EP400: variants seen among roughly 807,000 people sequenced by gnomAD.
The protein encoded by EP400 is E1A-binding protein p400.
EP400 carries 105 observed loss-of-function variants against 354.1 expected under a neutral mutation model. That is an observed-to-expected ratio of 0.30 (90% CI 0.25 to 0.35). The LOEUF (loss-of-function observed/expected upper bound fraction) is 0.35, where lower values mean the gene tolerates loss of function less well. EP400 is among the 10% of genes least tolerant of loss of function. EP400 has a pLI of 1.00. For synonymous variants in EP400, 1,646 were observed against 1,716.9 expected (o/e 0.96, Z 1.02); for missense variants, 3,280 against 4,121.0 (o/e 0.80, Z 5.59).
chr12:132,013,571 A>C lies in EP400; in HGVS notation c.3693A>C (p.Pro1231=). ...GGACCATGGTGCACTTCCTGGTCCCAGGGATCTCCAGGCCCTACCTGAGCT... is the reference window on the plus strand; with the variant it reads ...GGACCATGGTGCACTTCCTGGTCCCCGGGATCTCCAGGCCCTACCTGAGCT... ...ELWTMVHFLV[P]GISRPYLSSP... The change falls in exon 18 of 53, where the codon CCA becomes CCC. Residue 1231 remains proline, a synonymous_variant. Transcript: ENST00000389561. The surrounding 1 kb of genome is among the most constrained non-coding windows in gnomAD (Gnocchi z 4.5). 3 of 1,613,854 alleles carry C rather than the reference A, an allele frequency of 1.9e-6. No homozygotes were observed. Among genetic ancestry groups the C allele is most frequent in the Non-Finnish European group, 2.5e-6 (3 of 1,179,878 alleles).
intron 2 of EP400, among the ~76,000 whole-genome samples, chr12:131,969,244 C>T (rs1014231111): frequency 1.3e-5 from 2 of 151,996 alleles, no homozygotes; most frequent in African/African-American, 4.8e-5. Flanking sequence ...CATCTATTGA[C>T]AGTGATATGT....
At chr12:131,950,846 C>T (rs1164163893) in intron 1 of EP400, among the ~76,000 whole-genome samples, 1 of 152,224 alleles carries the variant, frequency 6.6e-6, no homozygotes, top group Non-Finnish European at 1.5e-5. Context: ...CTCGACCTCC[C>T]GAGTGGTTGG....
At chr12:132,020,314 G>A in intron 22 of EP400, 96 bp downstream of exon 22, 1 of 1,408,420 alleles carries the variant, frequency 7.1e-7, no homozygotes, top group Non-Finnish European at 9.5e-7. Context: ...TGCGGTAATT[G>A]TCCCTGAGTG....
intron 32 of EP400, among the ~76,000 whole-genome samples, chr12:132,042,142 G>A (rs1404740215): frequency 6.6e-6 from 1 of 151,800 alleles, no homozygotes; most frequent in Non-Finnish European, 1.5e-5. Flanking sequence ...ATAGAGACGT[G>A]GTTTCTCCAT....
At chr12:132,048,648 G>A (rs368254262) in intron 39 of EP400, among the ~76,000 whole-genome samples, 3 of 151,460 alleles carry the variant, frequency 2.0e-5, no homozygotes, top group African/African-American at 4.9e-5. Flanking sequence ...TCAGCCTCCC[G>A]AGTAGCTGGG....
chr12:132,030,048 C>T lies in EP400; in HGVS notation c.5644C>T (p.Leu1882=). ...ATTGAAATCTGAAGGACGTCGGGTG[C>T]TGATTTTATCACAGATGATTCTTAT... The part of the protein sequence containing the change: ...QKLKSEGRRV[L]ILSQMILMLD... The change falls in exon 29 of 53, where the codon CTG becomes TTG. Residue 1882 remains leucine (L), a synonymous_variant. Coordinates refer to ENST00000389561, the MANE Select transcript of EP400 (RefSeq NM_015409.5). The T allele has an allele frequency of 1.2e-6, 2 of 1,614,232 alleles. No homozygotes were observed. Among genetic ancestry groups the T allele is most frequent in the Non-Finnish European group, 1.7e-6 (2 of 1,180,044 alleles).
In EP400 at chr12:132,053,098, G is replaced by A. The variant is rs757414701; in HGVS notation, c.7395-48G>A. Reference sequence around the variant, plus strand: ...TTTCTAGGGTACGTGGTACTTGTCTGTCTTAAAACTTGCCTGTATGTTTTT... The same window carrying A: ...TTTCTAGGGTACGTGGTACTTGTCTATCTTAAAACTTGCCTGTATGTTTTT... On this transcript the variant is annotated intron_variant, in intron 41 of 52. Transcript: ENST00000389561. The A allele has an allele frequency of 6.3e-6, 10 of 1,598,052 alleles. No individual in the cohort carries two copies. The East Asian group carries it at 2.2e-4, about 36-fold the overall frequency.
At chr12:131,959,059 G>T (rs1308689586) in intron 1 of EP400, among the ~76,000 whole-genome samples, 1 of 152,184 alleles carries the variant, frequency 6.6e-6, no homozygotes, top group Admixed American at 6.5e-5. Flanking sequence ...AGGTCAAGCT[G>T]GCTTCTGTGG....
rs1159343615 is a variant in EP400 at position 132,027,347 on chromosome 12, G to A, written c.5015-90G>A. On this transcript the variant is annotated intron_variant, in intron 25 of 52. Transcript: ENST00000389561. The surrounding 1 kb of genome is among the most constrained non-coding windows in gnomAD (Gnocchi z 4.9). Reference sequence around the variant, plus strand: ...ATGACTTTCTGTGGAGTGTGCTGGTGGAGGGTGAGGTTCCATGGAGCATGC... The same window carrying A: ...ATGACTTTCTGTGGAGTGTGCTGGTAGAGGGTGAGGTTCCATGGAGCATGC... The A allele has an allele frequency of 1.2e-5, 15 of 1,290,848 alleles. No homozygotes were observed. Among genetic ancestry groups the A allele is most frequent in the Non-Finnish European group, 1.7e-5 (15 of 894,118 alleles). The allele number at this position is 1,290,848 out of a possible 1,614,324, so 80.0% of individuals were successfully genotyped here. A position where few individuals can be genotyped will look rare whatever the true frequency, so the allele number is the denominator to read the frequency against.
rs545819644 is a variant in EP400 at position 131,961,487 on chromosome 12, C to T, written c.868C>T (p.Arg290Trp). The T allele has an allele frequency of 2.9e-5, 45 of 1,569,248 alleles. No homozygotes were observed. In the South Asian group the frequency reaches 4.5e-4, roughly 16 times the overall value. Reference protein sequence around the residue: ...QQVLQGPPLPRPLGFERTPGV... With the variant: ...QQVLQGPPLPWPLGFERTPGV... ...GGTGCTGCAGGGGCCGCCGCTGCCC[C>T]GGCCCCTGGGCTTCGAGAGGACACC... The change falls in exon 2 of 53, where the codon CGG becomes TGG. Residue 290 changes from arginine to tryptophan, a missense_variant. Coordinates refer to ENST00000389561, the MANE Select transcript of EP400 (RefSeq NM_015409.5).
chr12:131,988,008 T>TTTTTTTC, intron 7 of EP400, 118 bp downstream of exon 7: 1 of 732,274 alleles, frequency 1.4e-6, no homozygotes, highest in Non-Finnish European at 1.9e-6. Flanking sequence ...TTTTTTTTTT[T>TTTTTTTC]CCCCCAGACA....
chr12:132,078,005 G>A lies in EP400; in HGVS notation c.*332G>A, dbSNP rs939926940. 5.2e-5 allele frequency: 15 copies of A among 289,636 alleles called. No homozygotes were observed. The highest frequency in any genetic ancestry group is 8.5e-5 in the Non-Finnish European group (13 of 153,596). The allele number at this position is 289,636 out of a possible 1,614,324, so 17.9% of individuals were successfully genotyped here. ...AAAGCCATTTAGAATTTCTTTGTGA[G>A]CATGTAGTGCTTTGCACGCCACAGA... On this transcript the variant is annotated 3_prime_UTR_variant, in exon 53 of 53. Transcript: ENST00000389561.
intron 2 of EP400, among the ~76,000 whole-genome samples, chr12:131,976,285 T>A (rs865878674): frequency 9.9e-5 from 15 of 152,276 alleles, no homozygotes; most frequent in Middle Eastern, 3.4e-3. Flanking sequence ...TATTTTGGAG[T>A]AATTTTGTTT....
At chr12:132,066,008 G>A (rs1003885007) in intron 48 of EP400, 1 of 152,212 alleles carries the variant, frequency 6.6e-6, no homozygotes, top group Non-Finnish European at 1.5e-5. Flanking sequence ...TGCTTCATGA[G>A]TGTTAGAGGA....
In EP400 at chr12:132,077,442, C is replaced by T. The variant is rs12311898; in HGVS notation, c.9141C>T (p.Ala3047=). The change falls in exon 53 of 53, where the codon GCC becomes GCT. Residue 3047 remains alanine, a synonymous_variant. Transcript: ENST00000389561. ...QTVALTQATA[A]GQQVQMIPAV... is the part of the protein sequence containing the mutation. ...TGGCGCTCACGCAGGCGACGGCGGC[C>T]GGGCAGCAGGTGCAGATGATCCCTG... The T allele has an allele frequency of 0.061, 98,536 of 1,612,830 alleles. 3,754 individuals are homozygous for T. Among genetic ancestry groups the T allele is most frequent in the African/African-American group, 0.14 (10,316 of 75,006 alleles).
intron 45 of EP400, among the ~76,000 whole-genome samples, chr12:132,059,029 T>C (rs377009005): frequency 1.3e-5 from 2 of 152,122 alleles, no homozygotes; most frequent in African/African-American, 2.4e-5. Flanking sequence ...ACTGAAGTTA[T>C]TGGATAAAAA....
chr12:132,076,762 C>A (rs563108234), intron 52 of EP400, among the ~76,000 whole-genome samples, 169 bp downstream of exon 52: 2 of 152,226 alleles, frequency 1.3e-5, no homozygotes, highest in Non-Finnish European at 1.5e-5. Flanking sequence ...AGTGAACAAG[C>A]GTTTAGAGGT....
rs962141192 is a variant in EP400, at chr12:132,080,031, A to G, written c.*2358A>G. The G allele has an allele frequency of 3.3e-5, 5 of 152,250 alleles. No individual in the cohort carries two copies. The highest frequency in any genetic ancestry group is 7.3e-5 in the Non-Finnish European group (5 of 68,034). 9.4% of individuals were successfully genotyped at this position (152,250 alleles called of 1,614,324 possible). A position where few individuals can be genotyped will look rare whatever the true frequency, so the allele number is the denominator to read the frequency against. ...CTTGTGAATCTGGGTTCATTCCAAT[A>G]CGGCAAGTAAGAGTTGGAAACTTTG... On this transcript the variant is annotated 3_prime_UTR_variant, in exon 53 of 53. Transcript: ENST00000389561.
In EP400 at chr12:131,982,460, G is replaced by A. The variant is rs1892714902; in HGVS notation, c.1911G>A (p.Gln637=). ...GAAAGGTGCAGGTGCAGGCCTCTCAGCTTTCCTCCCTGCCACAGGTATGAG... is the reference window on the plus strand; with the variant it reads ...GAAAGGTGCAGGTGCAGGCCTCTCAACTTTCCTCCCTGCCACAGGTATGAG... The part of the protein sequence containing the change: ...TPGKVQVQAS[Q]LSSLPQMVAS... Residue 637 remains glutamine (Q), a synonymous_variant, in exon 5 of 53, where the codon CAG becomes CAA. Transcript: ENST00000389561. The A allele has an allele frequency of 1.2e-6, 2 of 1,605,496 alleles. No individual in the cohort carries two copies. Among genetic ancestry groups the A allele is most frequent in the Middle Eastern group, 1.7e-4 (1 of 6,024 alleles).
Sources: gnomAD v4.1 joint callset for allele counts (sites outside exome capture counted in the v4.1 genomes callset) on GRCh38, gnomAD v4.1.1 for gene constraint, Gnocchi (gnomAD v3.1) non-coding constraint, MANE v1.5 for transcripts, NCBI Gene and HGNC (gene_info 2026-07-23, HGNC 2026-07-21) for gene names.